The following PLXNA4 variants were observed in gnomAD, a reference collection of about 807,000 sequenced individuals.
PLXNA4 encodes plexin A4.
In PLXNA4, 44 loss-of-function variants were observed where a neutral mutation model predicts 191.8. That is an observed-to-expected ratio of 0.23 (90% CI 0.18 to 0.29). PLXNA4 has a LOEUF of 0.29. Among genes scored for constraint, PLXNA4 ranks in the 10% least tolerant of loss-of-function variants. PLXNA4 has a pLI of 1.00. For missense variants in PLXNA4, 1,800 were observed against 2,488.8 expected (o/e 0.72, Z 5.89); for synonymous variants, 1,082 against 1,009.5 (o/e 1.07, Z -1.36).
rs546259270 is a variant in PLXNA4, at chr7:132,430,747, T to C, written c.1371+58545A>G. ...AAAGTCAGGCAAAAGAGTTTAAACATCTGTAGGTGGTAGGAGGCATTGAAT... is the reference window on the plus strand; with the variant it reads ...AAAGTCAGGCAAAAGAGTTTAAACACCTGTAGGTGGTAGGAGGCATTGAAT... On this transcript the variant is annotated intron_variant, in intron 3 of 31. Transcript: ENST00000321063. Among the ~76,000 whole-genome samples the C allele has an allele frequency of 2.3e-4, 35 of 152,246 alleles. No homozygotes were observed. The South Asian group carries it at 6.8e-3, about 30-fold the overall frequency.
chr7:132,629,834 C>G (rs1365278936), intron 2 of PLXNA4, among the ~76,000 whole-genome samples: 1 of 151,904 alleles, frequency 6.6e-6, no homozygotes, highest in Non-Finnish European at 1.5e-5. Flanking sequence ...CATGGAGAGA[C>G]AGTGTTCTCT....
intron 31 of PLXNA4, 126 bp from the exon 32 acceptor site, chr7:132,130,700 C>G: frequency 1.4e-6 from 2 of 1,390,052 alleles, no homozygotes; most frequent in South Asian, 1.3e-5. Context: ...CAGGGGCACA[C>G]AGGACACTGC....
intron 16 of PLXNA4, 129 bp from the exon 17 acceptor site, chr7:132,182,319 C>A: frequency 1.4e-6 from 2 of 1,417,898 alleles, no homozygotes; most frequent in Non-Finnish European, 9.5e-7. Context: ...TTCATGGGGA[C>A]AAGGATGACA....
At chr7:132,188,515 G>C (rs943675086) in intron 14 of PLXNA4, among the ~76,000 whole-genome samples, 3 of 152,026 alleles carry the variant, frequency 2.0e-5, no homozygotes, top group Admixed American at 1.3e-4. Context: ...TGCTTTGATA[G>C]GGAAGCCCCA....
At chr7:132,370,211 A>C (rs1224157222) in intron 3 of PLXNA4, among the ~76,000 whole-genome samples, 2 of 152,224 alleles carry the variant, frequency 1.3e-5, no homozygotes, top group South Asian at 4.1e-4. Flanking sequence ...CTGAGTGTAG[A>C]AAATCCAGGT....
chr7:132,243,256 T>C (rs1798939904), intron 4 of PLXNA4, among the ~76,000 whole-genome samples: 1 of 152,238 alleles, frequency 6.6e-6, no homozygotes, highest in African/African-American at 2.4e-5. Flanking sequence ...AATGTTTTCA[T>C]ATGTTCCAGC....
chr7:132,139,928 T>G (rs1296706282), intron 30 of PLXNA4, among the ~76,000 whole-genome samples: 1 of 152,224 alleles, frequency 6.6e-6, no homozygotes, highest in Non-Finnish European at 1.5e-5. Flanking sequence ...GTGCTTGGCG[T>G]ATGGAGCTGA....
In PLXNA4 at chr7:132,129,979, C is replaced by T. The variant is rs1232615207; in HGVS notation, c.*500G>A. On this transcript the variant is annotated 3_prime_UTR_variant, in exon 32 of 32. Transcript: ENST00000321063. The stretch of plus-strand genomic sequence containing the variant: ...ACTGGCTGAACCACTGGAGATGGAA[C>T]TGTGGGAAGGGAGAGCCAGGTGATG... 2 of 163,888 alleles carry T rather than the reference C, an allele frequency of 1.2e-5. No homozygotes were observed. The highest frequency in any genetic ancestry group is 5.8e-5 in the Admixed American group (1 of 17,296). The allele number at this position is 163,888 out of a possible 1,614,324, so 10.2% of individuals were successfully genotyped here.
chr7:132,584,612 CA>C (rs1802472229), intron 2 of PLXNA4, among the ~76,000 whole-genome samples: 1 of 152,070 alleles, frequency 6.6e-6, no homozygotes, highest in Admixed American at 6.6e-5. Context: ...CAGCAAAATG[CA>C]GAACAGTGTA....
upstream of PLXNA4, among the ~76,000 whole-genome samples, chr7:132,582,299 T>C (rs112083554): frequency 0.032 from 4,943 of 152,262 alleles, 251 homozygotes; most frequent in African/African-American, 0.1. Context: ...TTCGTGCTGA[T>C]GGGTTGAATG....
chr7:132,495,987 G>A (rs1273469133), intron 2 of PLXNA4, among the ~76,000 whole-genome samples: 1 of 152,224 alleles, frequency 6.6e-6, no homozygotes, highest in African/African-American at 2.4e-5. Flanking sequence ...AGATGAAAAA[G>A]TCTCAGTTCC....
At chr7:132,473,007 C>G (rs1796989107) in intron 3 of PLXNA4, among the ~76,000 whole-genome samples, 1 of 152,204 alleles carries the variant, frequency 6.6e-6, no homozygotes, top group South Asian at 2.1e-4. Context: ...CTTCTCCTGT[C>G]AGGCCCACAT....
At chr7:132,465,412 C>T (rs1796662571) in intron 3 of PLXNA4, among the ~76,000 whole-genome samples, 1 of 152,232 alleles carries the variant, frequency 6.6e-6, no homozygotes, top group Admixed American at 6.5e-5. Context: ...GGTTCTGTCT[C>T]TAAACTCTAA....
intron 3 of PLXNA4, among the ~76,000 whole-genome samples, chr7:132,403,831 C>T (rs1445063038): frequency 1.3e-5 from 2 of 152,124 alleles, no homozygotes; most frequent in Admixed American, 1.3e-4. Context: ...GAGAAAGTGG[C>T]CATCTGGACC....
At chr7:132,438,727 T>G (rs987015270) in intron 3 of PLXNA4, among the ~76,000 whole-genome samples, 1 of 152,250 alleles carries the variant, frequency 6.6e-6, no homozygotes, top group South Asian at 2.1e-4. Context: ...TAGCTGTTTT[T>G]AAAAATTACA....
chr7:132,161,713 G>A (rs920230338), intron 24 of PLXNA4, among the ~76,000 whole-genome samples: 7 of 151,922 alleles, frequency 4.6e-5, no homozygotes, highest in Admixed American at 2.6e-4. Context: ...AGGCTCCCGG[G>A]CGGGCACCTA....
At chr7:132,502,339 G>A (rs535532093) in intron 2 of PLXNA4, among the ~76,000 whole-genome samples, 8 of 152,312 alleles carry the variant, frequency 5.3e-5, no homozygotes, top group African/African-American at 1.9e-4. Flanking sequence ...CACACAGCAG[G>A]GCAGGAAGGG....
intron 5 of PLXNA4, among the ~76,000 whole-genome samples, chr7:132,233,088 G>T (rs1798578356): frequency 6.6e-6 from 1 of 152,178 alleles, no homozygotes; most frequent in Non-Finnish European, 1.5e-5. Context: ...GAATTGAGAA[G>T]ATTGAAAAAG....
chr7:132,453,911 C>A (rs756666858), intron 3 of PLXNA4, among the ~76,000 whole-genome samples: 15 of 152,224 alleles, frequency 9.9e-5, no homozygotes, highest in Non-Finnish European at 2.1e-4. Context: ...ATAATCATTT[C>A]TCTCCAGAGA....
Sources: allele counts gnomAD v4.1 joint callset (sites outside exome capture counted in the v4.1 genomes callset), GRCh38; gene constraint gnomAD v4.1.1; transcripts MANE v1.5; gene names NCBI Gene and HGNC (gene_info 2026-07-23, HGNC 2026-07-21).